HERC2: variants seen among roughly 807,000 people sequenced by gnomAD.
HERC2 encodes E3 ubiquitin-protein ligase HERC2.
HERC2 carries 102 observed loss-of-function variants against 537.7 expected under a neutral mutation model. That is an observed-to-expected ratio of 0.19 (90% CI 0.16 to 0.22). The LOEUF (loss-of-function observed/expected upper bound fraction) is 0.22, where lower values mean the gene tolerates loss of function less well. HERC2 is among the 10% of genes least tolerant of loss of function. HERC2 has a pLI of 1.00. For missense variants in HERC2, 4,236 were observed against 6,198.2 expected (o/e 0.68, Z 10.63); for synonymous variants, 2,224 against 2,466.2 (o/e 0.90, Z 2.91).
chr15:28,118,137 C>G (rs571516619), intron 86 of HERC2: 1 of 165,386 alleles, frequency 6.0e-6, no homozygotes, highest in South Asian at 1.4e-4. Context: ...ACACACACGG[C>G]TAGTGTTCAC....
At chr15:28,209,123 C>G (rs962734481) in intron 44 of HERC2, among the ~76,000 whole-genome samples, 5 of 152,112 alleles carry the variant, frequency 3.3e-5, no homozygotes, top group African/African-American at 4.8e-5. Context: ...TATGGCATAT[C>G]TATAAACGGA....
chr15:28,132,196 G>C lies in HERC2; in HGVS notation c.12474C>G (p.Leu4158=), dbSNP rs777903459. The C allele has an allele frequency of 1.1e-5, 18 of 1,614,110 alleles. No individual in the cohort carries two copies. Among genetic ancestry groups the C allele is most frequent in the Non-Finnish European group, 1.5e-5 (18 of 1,179,952 alleles). The change falls in exon 81 of 93, where the codon CTC becomes CTG. Residue 4158 remains leucine (L), a synonymous_variant. Coordinates refer to ENST00000261609, the MANE Select transcript of HERC2 (RefSeq NM_004667.6). ...AGACAGTGTCGTCATCTGTGAGGCAGAGGGTCTGGGCATCTCCACTGCCAC... is the reference window on the plus strand; with the variant it reads ...AGACAGTGTCGTCATCTGTGAGGCACAGGGTCTGGGCATCTCCACTGCCAC... The part of the protein sequence containing the change: ...IACGSGDAQT[L]CLTDDDTVWS...
At chr15:28,271,962 C>G in intron 9 of HERC2, 4 of 509,472 alleles carry the variant, frequency 7.9e-6, no homozygotes. Context: ...TTTCGTTGTT[C>G]TTTTCTGGTA....
intron 2 of HERC2, among the ~76,000 whole-genome samples, chr15:28,308,853 T>C (rs958369803): frequency 8.5e-5 from 13 of 152,262 alleles, no homozygotes; most frequent in African/African-American, 3.1e-4. Flanking sequence ...CATCAATTGA[T>C]TTGCATATGT....
At chr15:28,281,137 T>A (rs1185815038) in intron 4 of HERC2, among the ~76,000 whole-genome samples, 1 of 152,162 alleles carries the variant, frequency 6.6e-6, no homozygotes, top group Non-Finnish European at 1.5e-5. Flanking sequence ...GAATACACAT[T>A]CTAACTAGTG....
At chr15:28,228,072 G>C in intron 35 of HERC2, 146 bp downstream of exon 35, 2 of 717,322 alleles carry the variant, frequency 2.8e-6, no homozygotes, top group Non-Finnish European at 4.5e-6. Flanking sequence ...CCGCTGAATT[G>C]TGACGTTAAA....
intron 30 of HERC2, among the ~76,000 whole-genome samples, chr15:28,232,385 C>G (rs576926755): frequency 5.3e-5 from 8 of 151,976 alleles, no homozygotes; most frequent in Non-Finnish European, 1.2e-4. Flanking sequence ...TACTAAAATA[C>G]AAAAATTAGC....
intron 2 of HERC2, chr15:28,315,846 G>C (rs1032907617): frequency 1.7e-6 from 1 of 598,282 alleles, no homozygotes; most frequent in African/African-American, 1.8e-5. Context: ...GCTGGTACAA[G>C]TTGTGGGACT....
chr15:28,153,736 G>A (rs992702444), intron 69 of HERC2, among the ~76,000 whole-genome samples: 11 of 152,202 alleles, frequency 7.2e-5, no homozygotes, highest in South Asian at 2.1e-4. Context: ...ATGAAACACC[G>A]TGGTGACAAT....
chr15:28,171,015 C>T (rs1437601526), intron 65 of HERC2, among the ~76,000 whole-genome samples: 1 of 152,212 alleles, frequency 6.6e-6, no homozygotes, highest in Non-Finnish European at 1.5e-5. Context: ...TCATCCTCCA[C>T]TGCTAATGAG....
At chr15:28,301,147 G>A (rs1439734098) in intron 2 of HERC2, among the ~76,000 whole-genome samples, 3 of 151,974 alleles carry the variant, frequency 2.0e-5, no homozygotes, top group Admixed American at 6.6e-5. Context: ...AGGTGCGGTG[G>A]CTCACGCCTA....
chr15:28,278,287 G>A (rs2141035974), intron 5 of HERC2, among the ~76,000 whole-genome samples: 2 of 152,228 alleles, frequency 1.3e-5, no homozygotes, highest in South Asian at 4.1e-4. Flanking sequence ...GGAGGCTGAG[G>A]TGGGAGAATC....
At position 28,176,428 on chromosome 15, in the gene HERC2, C is replaced by G; in HGVS notation, c.9686G>C (p.Trp3229Ser). The change falls in exon 63 of 93, where the codon TGG becomes TCG. Residue 3229 changes from tryptophan (W) to serine (S), a missense_variant and splice_region_variant. Trp to Ser is a radical substitution (Grantham distance 177). Coordinates refer to ENST00000261609, the MANE Select transcript of HERC2 (RefSeq NM_004667.6). The surrounding 1 kb of genome is among the most constrained non-coding windows in gnomAD (Gnocchi z 5.0). ...ALTKSGVVWT[W>S]GKGDYFRLGH... is the part of the protein sequence containing the mutation. ...TGTGACAGGGAGGACGTTTACGTAC[C>G]ATGTCCACACCACTCCAGACTTGGT... The G allele has an allele frequency of 6.2e-7, 1 of 1,613,898 alleles. No individual in the cohort carries two copies. The highest frequency in any genetic ancestry group is 8.5e-7 in the Non-Finnish European group (1 of 1,179,846).
At chr15:28,321,110 G>A (rs1472082449) in intron 2 of HERC2, among the ~76,000 whole-genome samples, 2 of 152,050 alleles carry the variant, frequency 1.3e-5, no homozygotes, top group Admixed American at 6.6e-5. Context: ...TAATAAATAG[G>A]AAAAAAATTT....
Position 28,229,062 on chromosome 15 carries a change from C to T in HERC2, c.5272+133G>A, listed in dbSNP as rs1455240521. ...TAAAATCTGAGAAAGCTGACAGCAG[C>T]ATAGATTATACAAGTACAAAGTACA... On this transcript the variant is annotated intron_variant, in intron 34 of 92. Transcript: ENST00000261609. 1.3e-5 allele frequency: 11 copies of T among 864,338 alleles called. No individual in the cohort carries two copies. In the East Asian group the frequency reaches 1.7e-4, roughly 13 times the overall value. 53.5% of individuals were successfully genotyped at this position (864,338 alleles called of 1,614,324 possible). A position where few individuals can be genotyped will look rare whatever the true frequency, so the allele number is the denominator to read the frequency against.
intron 38 of HERC2, among the ~76,000 whole-genome samples, chr15:28,216,896 T>TTTA (rs1253797559): frequency 6.6e-6 from 1 of 151,736 alleles, no homozygotes; most frequent in Non-Finnish European, 1.5e-5. Flanking sequence ...TCAACACTAG[T>TTTA]AACGACCGAT....
In HERC2 at chr15:28,233,552, G is replaced by A. The variant is rs767836151; in HGVS notation, c.4361C>T (p.Ala1454Val). The change falls in exon 29 of 93, where the codon GCA becomes GTA. Residue 1454 changes from alanine (A) to valine (V), a missense_variant. Transcript: ENST00000261609. ...TGCACCTGCATGAACTAAAGATAAT[G>A]CCACATGACCTGTAAAAAGACATTT... ...LLKHEDLGHV[A>V]LSLVHAGALG... 1.2e-6 allele frequency: 2 copies of A among 1,612,970 alleles called. No individual in the cohort carries two copies. The highest frequency in any genetic ancestry group is 2.2e-5 in the South Asian group (2 of 91,048).
At chr15:28,223,095 T>C (rs1900699228) in intron 35 of HERC2, among the ~76,000 whole-genome samples, 1 of 152,174 alleles carries the variant, frequency 6.6e-6, no homozygotes. Context: ...GGGGGTGGTC[T>C]TGGAGACCCC....
intron 21 of HERC2, 118 bp from the exon 22 acceptor site, chr15:28,247,015 A>T: frequency 1.1e-6 from 1 of 873,456 alleles, no homozygotes; most frequent in Non-Finnish European, 1.8e-6. Context: ...TAATTTTCTC[A>T]AACAGAAGCC....
Sources: allele counts gnomAD v4.1 joint callset (sites outside exome capture counted in the v4.1 genomes callset), GRCh38; gene constraint gnomAD v4.1.1; non-coding constraint Gnocchi (gnomAD v3.1); transcripts MANE v1.5; gene names NCBI Gene and HGNC (gene_info 2026-07-23, HGNC 2026-07-21).